Variants in GMPR observed in about 807,000 individuals in gnomAD.
The protein encoded by GMPR is GMP reductase 1.
In GMPR, 31 loss-of-function variants were observed where a neutral mutation model predicts 38.4. The ratio of observed to expected loss-of-function variants is 0.81; its 90% CI spans 0.61 to 1.09. The LOEUF is 1.09. Among genes scored for constraint, GMPR ranks in the 50% least tolerant of loss-of-function variants. The pLI is 0.00. For missense variants in GMPR, 468 were observed against 453.7 expected, an observed-to-expected ratio of 1.03 and a Z score of -0.29; for synonymous variants, 162 against 173.3, an observed-to-expected ratio of 0.93 and a Z score of 0.51.
At chr6:16,239,810 G>A (rs1758611674) in intron 1 of GMPR, among the ~76,000 whole-genome samples, 1 of 152,252 alleles carries the variant, frequency 6.6e-6, no homozygotes, top group African/African-American at 2.4e-5. Context: ...GATTGGGGAA[G>A]CCTCCGCGTT....
At chr6:16,269,854 G>A (rs1759347490) in intron 4 of GMPR, among the ~76,000 whole-genome samples, 1 of 152,186 alleles carries the variant, frequency 6.6e-6, no homozygotes, top group African/African-American at 2.4e-5. Flanking sequence ...TCTGAAGGCT[G>A]GGAAGTCCAG....
intron 1 of GMPR, among the ~76,000 whole-genome samples, chr6:16,245,145 A>G (rs948279687): frequency 1.3e-5 from 2 of 152,208 alleles, no homozygotes; most frequent in South Asian, 4.1e-4. Context: ...CTCTTTCAGA[A>G]TGTCACTATA....
chr6:16,254,693 C>A lies in GMPR; in HGVS notation c.423C>A (p.Phe141Leu), dbSNP rs759586128. ...ANGYSEHFVE[F>L]VKLVRAKFPE... is the part of the protein sequence containing the mutation. The stretch of plus-strand genomic sequence containing the variant: ...GGTATTCAGAACATTTTGTGGAATT[C>A]GTGAAACTTGTCCGTGCCAAATTTC... The change falls in exon 4 of 9, where the codon TTC (phenylalanine) becomes TTA (leucine). Residue 141 changes from phenylalanine to leucine, a missense_variant. Coordinates refer to ENST00000259727, the MANE Select transcript of GMPR (RefSeq NM_006877.4). The A allele has an allele frequency of 1.3e-4, 202 of 1,613,656 alleles. No individual in the cohort carries two copies. Among genetic ancestry groups the A allele is most frequent in the Non-Finnish European group, 1.7e-4 (195 of 1,179,724 alleles).
intron 4 of GMPR, among the ~76,000 whole-genome samples, chr6:16,267,294 C>T (rs1418564733): frequency 1.3e-5 from 2 of 151,992 alleles, no homozygotes; most frequent in African/African-American, 2.4e-5. Context: ...ATTGCATGAA[C>T]CTGGGAGGTG....
intron 8 of GMPR, among the ~76,000 whole-genome samples, 165 bp downstream of exon 8, chr6:16,290,786 T>G (rs754476074): frequency 1.3e-5 from 2 of 152,186 alleles, no homozygotes; most frequent in Non-Finnish European, 2.9e-5. Flanking sequence ...TTTGCAGTGT[T>G]TGGGGTTCCC....
At chr6:16,247,376 T>C (rs1758779125) in intron 2 of GMPR, among the ~76,000 whole-genome samples, 1 of 150,338 alleles carries the variant, frequency 6.7e-6, no homozygotes, top group Non-Finnish European at 1.5e-5. Context: ...ATAATGTATT[T>C]CTTTTTTTTT....
chr6:16,289,205 C>G (rs1040721634), intron 7 of GMPR, among the ~76,000 whole-genome samples: 1 of 152,146 alleles, frequency 6.6e-6, no homozygotes, highest in African/African-American at 2.4e-5. Context: ...CCAACCCCAC[C>G]AGAAGGAAAA....
In GMPR at chr6:16,279,076, C is replaced by T. The variant is rs533381262; in HGVS notation, c.654+186C>T. On this transcript the variant is annotated intron_variant, in intron 6 of 8. Transcript: ENST00000259727. ...GATTCCACAGTGAGGGTGGCAGGCC[C>T]AGTAGGCAGAAGCCATACAAGCAGG... is the stretch of plus-strand genomic sequence containing the variant. Among the ~76,000 whole-genome samples, 228 of 152,316 alleles carry T rather than the reference C, an allele frequency of 1.5e-3. 1 individual carries two copies. Among genetic ancestry groups the T allele is most frequent in the Non-Finnish European group, 2.9e-3 (195 of 68,030 alleles).
At chr6:16,243,920 G>A (rs1348673649) in intron 1 of GMPR, among the ~76,000 whole-genome samples, 1 of 152,212 alleles carries the variant, frequency 6.6e-6, no homozygotes, top group Non-Finnish European at 1.5e-5. Flanking sequence ...CTAAGTGGCA[G>A]TTGTTCATGG....
Position 16,285,650 on chromosome 6 carries a change from C to T in GMPR, c.655-143C>T, listed in dbSNP as rs571734292. ...GTACACTCGATCAGACAACAACAGC[C>T]GTGGTAGGGGAACTTGGGCCCGTGG... On this transcript the variant is annotated intron_variant, in intron 6 of 8. Coordinates refer to ENST00000259727, the MANE Select transcript of GMPR (RefSeq NM_006877.4). 1.2e-4 allele frequency: 82 copies of T among 689,684 alleles called. No homozygotes were observed. The Middle Eastern group carries it at 3.1e-3, about 26-fold the overall frequency. 42.7% of individuals were successfully genotyped at this position (689,684 alleles called of 1,614,324 possible).
intron 1 of GMPR, among the ~76,000 whole-genome samples, chr6:16,239,621 C>G (rs1448474629): frequency 6.6e-6 from 1 of 152,214 alleles, no homozygotes; most frequent in Non-Finnish European, 1.5e-5. Context: ...AAACCGGACA[C>G]GGTTGAAGGC....
At chr6:16,289,112 C>A (rs180024) in intron 7 of GMPR, among the ~76,000 whole-genome samples, 17 of 152,300 alleles carry the variant, frequency 1.1e-4, no homozygotes, top group Admixed American at 8.5e-4. Flanking sequence ...TGTTGCTGCT[C>A]GGTCTTTAGG....
At chr6:16,270,982 T>C (rs1759372815) in intron 4 of GMPR, among the ~76,000 whole-genome samples, 1 of 148,444 alleles carries the variant, frequency 6.7e-6, no homozygotes, top group East Asian at 2.0e-4. Context: ...AGGCCAGGAG[T>C]TAGAGACCAG....
At chr6:16,274,393 A>G in intron 4 of GMPR, 22 bp from the exon 5 acceptor site, 1 of 1,427,388 alleles carries the variant, frequency 7.0e-7, no homozygotes, top group South Asian at 1.1e-5. Context: ...CATGATCATC[A>G]GCTGTATTCT....
At chr6:16,292,386 GTC>G (rs1026192653) in intron 8 of GMPR, among the ~76,000 whole-genome samples, 30 of 152,026 alleles carry the variant, frequency 2.0e-4, no homozygotes, top group Non-Finnish European at 8.8e-5. Context: ...TTCTCCTCAA[GTC>G]TCTTTCTCTT....
intron 6 of GMPR, among the ~76,000 whole-genome samples, chr6:16,285,025 A>C (rs78131658): frequency 0.15 from 20,849 of 138,588 alleles, 2,250 homozygotes; most frequent in East Asian, 0.58. Flanking sequence ...CTCAAAAAAA[A>C]AAAAAAACAA....
At chr6:16,263,258 A>C (rs983428456) in intron 4 of GMPR, 7 of 151,926 alleles carry the variant, frequency 4.6e-5, no homozygotes, top group African/African-American at 1.7e-4. Context: ...CCATTGTACG[A>C]CAAGAATTAT....
At chr6:16,278,185 G>A (rs558714228) in intron 5 of GMPR, among the ~76,000 whole-genome samples, 2 of 152,252 alleles carry the variant, frequency 1.3e-5, no homozygotes, top group South Asian at 2.1e-4. Context: ...GCACAGAGCT[G>A]AGTGAGAGCA....
At chr6:16,265,894 C>G (rs1267131028) in intron 4 of GMPR, among the ~76,000 whole-genome samples, 1 of 152,216 alleles carries the variant, frequency 6.6e-6, no homozygotes, top group African/African-American at 2.4e-5. Context: ...AGCTGTAACA[C>G]TTACTGCAAA....
Sources: allele counts gnomAD v4.1 joint callset (sites outside exome capture counted in the v4.1 genomes callset), GRCh38; gene constraint gnomAD v4.1.1; transcripts MANE v1.5; gene names NCBI Gene and HGNC (gene_info 2026-07-23, HGNC 2026-07-21).